The following EPB41L4B variants were observed in gnomAD, a reference collection of about 807,000 sequenced individuals.
EPB41L4B encodes the protein band 4.1-like protein 4B.
Under a neutral mutation model 112.5 loss-of-function variants are expected in EPB41L4B, and 30 were observed. That is an observed-to-expected ratio of 0.27 (90% CI 0.20 to 0.36). EPB41L4B has a LOEUF of 0.36. Among genes scored for constraint, EPB41L4B ranks in the 10% least tolerant of loss-of-function variants. EPB41L4B has a pLI of 1.00. For synonymous variants in EPB41L4B, 408 were observed against 439.7 expected, an observed-to-expected ratio of 0.93 and a Z score of 0.90; for missense variants, 1,024 against 1,133.3, an observed-to-expected ratio of 0.90 and a Z score of 1.38.
chr9:109,214,482 C>T lies in EPB41L4B; in HGVS notation c.1634-664G>A, dbSNP rs563831842. 7.2e-5 allele frequency among the ~76,000 whole-genome samples: 11 copies of T among 152,136 alleles called. No homozygotes were observed. In the East Asian group the frequency reaches 1.2e-3, roughly 16 times the overall value. On this transcript the variant is annotated intron_variant, in intron 16 of 25. Coordinates refer to ENST00000374566, the MANE Select transcript of EPB41L4B (RefSeq NM_019114.5). ...ATGACGGACACATGTGGAGATATTC[C>T]GAAGAAGACTGAGAAAAGGTTTATT...
chr9:109,276,360 G>A (rs1835827169), intron 2 of EPB41L4B, among the ~76,000 whole-genome samples: 1 of 151,844 alleles, frequency 6.6e-6, no homozygotes, highest in Non-Finnish European at 1.5e-5. Context: ...AGTTTAAACA[G>A]GTGAGAAACA....
chr9:109,178,649 C>T (rs13297996), intron 24 of EPB41L4B, among the ~76,000 whole-genome samples: 1 of 152,112 alleles, frequency 6.6e-6, no homozygotes, highest in East Asian at 1.9e-4. Flanking sequence ...ACCATGTTGG[C>T]CAGGCTGGTC....
chr9:109,188,712 T>A (rs967231063), intron 22 of EPB41L4B, among the ~76,000 whole-genome samples: 1 of 152,194 alleles, frequency 6.6e-6, no homozygotes, highest in Non-Finnish European at 1.5e-5. Context: ...CCTGTTCCAA[T>A]GCCCTACACA....
At position 109,231,830 on chromosome 9, in the gene EPB41L4B, G is replaced by C. The variant is rs553428252; in HGVS notation, c.1409+11788C>G. Among the ~76,000 whole-genome samples the C allele has an allele frequency of 3.9e-5, 6 of 152,216 alleles. No homozygotes were observed. The South Asian group carries it at 1.0e-3, about 26-fold the overall frequency. ...ATTGTGTGTGTGCCTTCACAGGTGT[G>C]CATGTGTGTGCAGTCCAGAGAATTA... On this transcript the variant is annotated intron_variant, in intron 15 of 25. Transcript: ENST00000374566.
intron 2 of EPB41L4B, among the ~76,000 whole-genome samples, chr9:109,273,694 G>C (rs1403795677): frequency 1.3e-5 from 2 of 152,146 alleles, no homozygotes; most frequent in Admixed American, 1.3e-4. Flanking sequence ...TCAGAGCACG[G>C]GCACCTGAGC....
intron 1 of EPB41L4B, among the ~76,000 whole-genome samples, chr9:109,297,370 A>C (rs1371720709): frequency 6.6e-6 from 1 of 152,186 alleles, no homozygotes; most frequent in Non-Finnish European, 1.5e-5. Context: ...AACTAACAAG[A>C]GACAAGAACA....
intron 2 of EPB41L4B, among the ~76,000 whole-genome samples, chr9:109,271,531 C>T (rs1447316407): frequency 6.6e-6 from 1 of 152,160 alleles, no homozygotes. Context: ...AGACTCTGAT[C>T]ACTCGTGTTT....
chr9:109,213,549 A>G, intron 17 of EPB41L4B, 151 bp downstream of exon 17: 1 of 660,022 alleles, frequency 1.5e-6, no homozygotes. Context: ...TTTGCTCCTA[A>G]AAGACAGCCT....
intron 16 of EPB41L4B, among the ~76,000 whole-genome samples, chr9:109,215,863 G>A (rs1021008147): frequency 6.6e-6 from 1 of 152,162 alleles, no homozygotes; most frequent in East Asian, 1.9e-4. Context: ...GGTGGCTCAT[G>A]CCTATAATCC....
At chr9:109,293,025 G>A (rs1314762127) in intron 1 of EPB41L4B, among the ~76,000 whole-genome samples, 1 of 152,128 alleles carries the variant, frequency 6.6e-6, no homozygotes, top group Non-Finnish European at 1.5e-5. Flanking sequence ...CACTCCACAC[G>A]AGCCCACCTT....
At chr9:109,266,638 T>C (rs1311132626) in intron 4 of EPB41L4B, among the ~76,000 whole-genome samples, 6 of 152,122 alleles carry the variant, frequency 3.9e-5, no homozygotes, top group South Asian at 2.1e-4. Context: ...TCCCTGTTTC[T>C]GAAGTCCAAG....
chr9:109,185,573 G>A lies in EPB41L4B; in HGVS notation c.2334C>T (p.His778=), dbSNP rs1053779686. 6.2e-7 allele frequency: 1 copy of A among 1,612,860 alleles called. No homozygotes were observed. The highest frequency in any genetic ancestry group is 1.7e-5 in the Admixed American group (1 of 59,898). Residue 778 remains histidine (H), a synonymous_variant, in exon 23 of 26, where the codon CAC becomes CAT. Coordinates refer to ENST00000374566, the MANE Select transcript of EPB41L4B (RefSeq NM_019114.5). ...AEPASNPHCA[H]SRCSPPLSLP... ...GAGAGAGTGGAGGAGAACAGCGAGA[G>A]TGGGCACAGTGGGGGTTGCTGGCGG...
intron 15 of EPB41L4B, among the ~76,000 whole-genome samples, chr9:109,233,404 G>A (rs921754063): frequency 9.2e-5 from 14 of 152,070 alleles, no homozygotes; most frequent in African/African-American, 3.4e-4. Context: ...TCCCAAACAG[G>A]AAAGGAAACA....
chr9:109,215,744 T>C (rs1437402186), intron 16 of EPB41L4B, among the ~76,000 whole-genome samples: 1 of 152,180 alleles, frequency 6.6e-6, no homozygotes, highest in Non-Finnish European at 1.5e-5. Context: ...AGTGAGTTTC[T>C]AGAAAAATAA....
intron 2 of EPB41L4B, among the ~76,000 whole-genome samples, chr9:109,274,796 A>G (rs889817772): frequency 1.3e-5 from 2 of 152,260 alleles, no homozygotes; most frequent in Non-Finnish European, 2.9e-5. Context: ...TCTGAGCCTC[A>G]GCTTCATCAT....
rs142077387 is a variant in EPB41L4B at position 109,269,079 on chromosome 9, C to T, written c.412-646G>A. 3.4e-3 allele frequency among the ~76,000 whole-genome samples: 524 copies of T among 152,230 alleles called. 4 individuals carry two copies. The highest frequency in any genetic ancestry group is 0.012 in the African/African-American group (499 of 41,538). On this transcript the variant is annotated intron_variant, in intron 2 of 25. Transcript: ENST00000374566. ...CTGAGTTTCTCAAGTTACAGCCAATCTTCTCCAAGCATTCCAGGTCTCCAT... is the reference window on the plus strand; with the variant it reads ...CTGAGTTTCTCAAGTTACAGCCAATTTTCTCCAAGCATTCCAGGTCTCCAT...
chr9:109,297,152 G>A (rs1440527808), intron 1 of EPB41L4B, among the ~76,000 whole-genome samples: 3 of 145,644 alleles, frequency 2.1e-5, no homozygotes, highest in Non-Finnish European at 4.5e-5. Flanking sequence ...GGACACATAC[G>A]CAGGGGAAAG....
intron 17 of EPB41L4B, among the ~76,000 whole-genome samples, chr9:109,210,209 G>A (rs1833118656): frequency 6.6e-6 from 1 of 152,172 alleles, no homozygotes. Flanking sequence ...TATCCTGAGG[G>A]CCTCCACATT....
intron 16 of EPB41L4B, 26 bp downstream of exon 16, chr9:109,216,896 G>A: frequency 1.9e-6 from 3 of 1,608,784 alleles, no homozygotes; most frequent in Non-Finnish European, 8.5e-7. Context: ...CCCTTCTCCT[G>A]CCTTGCCCCC....
Sources: gnomAD v4.1 joint callset for allele counts (sites outside exome capture counted in the v4.1 genomes callset) on GRCh38, gnomAD v4.1.1 for gene constraint, MANE v1.5 for transcripts, NCBI Gene and HGNC (gene_info 2026-07-23, HGNC 2026-07-21) for gene names.